The following ELFN2 variants were observed in gnomAD, a reference collection of about 807,000 sequenced individuals.
The protein encoded by ELFN2 is extracellular leucine rich repeat and fibronectin type III domain containing 2.
A neutral mutation model predicts 45.5 loss-of-function variants in ELFN2; 17 were observed. That is an observed-to-expected ratio of 0.37 (90% CI 0.26 to 0.56). The LOEUF is 0.56. ELFN2 is among the 20% of genes least tolerant of loss of function. The pLI is 0.77. For missense variants in ELFN2, 922 were observed against 1,183.2 expected (o/e 0.78, Z 3.24); for synonymous variants, 550 against 551.5 (o/e 1.00, Z 0.04).
intron 1 of ELFN2, chr22:37,342,740 C>G (rs1347171754): frequency 3.4e-5 from 5 of 145,672 alleles, no homozygotes. Context: ...TTCATCAGAG[C>G]CAGTCTGTGG....
At chr22:37,405,024 A>G (rs765029572) in intron 2 of ELFN2, among the ~76,000 whole-genome samples, 18 of 151,350 alleles carry the variant, frequency 1.2e-4, no homozygotes, top group Non-Finnish European at 2.2e-4. Context: ...CCTGGGCTGA[A>G]TCCTGGGTCC....
At chr22:37,382,234 C>G (rs531293588) in intron 2 of ELFN2, among the ~76,000 whole-genome samples, 1 of 152,176 alleles carries the variant, frequency 6.6e-6, no homozygotes, top group Non-Finnish European at 1.5e-5. Flanking sequence ...GACGATGTCC[C>G]GTCACCTGCA....
chr22:37,424,907 C>T (rs1400050093), intron 1 of ELFN2, among the ~76,000 whole-genome samples: 1 of 152,090 alleles, frequency 6.6e-6, no homozygotes, highest in Non-Finnish European at 1.5e-5. Flanking sequence ...ACAGAGCTCA[C>T]GTGGACTGAG....
At chr22:37,399,249 C>T (rs913614947) in intron 2 of ELFN2, among the ~76,000 whole-genome samples, 3 of 152,164 alleles carry the variant, frequency 2.0e-5, no homozygotes, top group Non-Finnish European at 4.4e-5. Flanking sequence ...AGGCAGGACT[C>T]AAAGCTGCCT....
chr22:37,377,888 G>A (rs1480211343), intron 2 of ELFN2, among the ~76,000 whole-genome samples: 1 of 152,206 alleles, frequency 6.6e-6, no homozygotes, highest in East Asian at 1.9e-4. Flanking sequence ...TGGCTCCTGG[G>A]GGATCCCAGG....
intron 1 of ELFN2, among the ~76,000 whole-genome samples, chr22:37,422,410 T>C (rs886956581): frequency 6.6e-6 from 1 of 152,076 alleles, no homozygotes; most frequent in Non-Finnish European, 1.5e-5. Flanking sequence ...GTTTTATTGT[T>C]GCTGTTGTTG....
intron 1 of ELFN2, among the ~76,000 whole-genome samples, chr22:37,419,186 C>A (rs1475565145): frequency 6.6e-6 from 1 of 151,828 alleles, no homozygotes; most frequent in South Asian, 2.1e-4. Flanking sequence ...ACTGCCTCAA[C>A]TCCCTCACCC....
At chr22:37,378,190 C>T (rs190152532) in intron 2 of ELFN2, among the ~76,000 whole-genome samples, 50 of 152,264 alleles carry the variant, frequency 3.3e-4, no homozygotes, top group Admixed American at 2.8e-3. Flanking sequence ...GCATCAGCTT[C>T]GGGGGCATGT....
chr22:37,416,850 A>G (rs773903628), intron 2 of ELFN2, among the ~76,000 whole-genome samples: 1 of 151,034 alleles, frequency 6.6e-6, no homozygotes, highest in Non-Finnish European at 1.5e-5. Flanking sequence ...ACCCATCACT[A>G]CCCCTTTCCT....
In ELFN2 at chr22:37,392,113, C is replaced by G. The variant is rs1035381917; in HGVS notation, c.-462-16117G>C. 3.3e-5 allele frequency among the ~76,000 whole-genome samples: 5 copies of G among 152,306 alleles called. No homozygotes were observed. The East Asian group carries it at 9.6e-4, about 29-fold the overall frequency. On this transcript the variant is annotated intron_variant, in intron 2 of 2. Coordinates refer to ENST00000402918, the MANE Select transcript of ELFN2 (RefSeq NM_052906.5). ...TCAGTGCAACAGAAGCACCGTCCAT[C>G]TTAAGGGAATTTAACTGCTACCGTT... is the stretch of plus-strand genomic sequence containing the variant.
rs1931285944 is a variant in ELFN2 at position 37,369,076 on chromosome 22, C to T, written c.*3996G>A. On this transcript the variant is annotated 3_prime_UTR_variant, in exon 3 of 3. Coordinates refer to ENST00000402918, the MANE Select transcript of ELFN2 (RefSeq NM_052906.5). Reference sequence around the variant, plus strand: ...TCCCTGCACTTAGGCCCCTTATAAGCTAGGACCTGTCACTGGTGTCCTTAA... The same window carrying T: ...TCCCTGCACTTAGGCCCCTTATAAGTTAGGACCTGTCACTGGTGTCCTTAA... 6.6e-6 allele frequency: 1 copy of T among 152,146 alleles called. No individual in the cohort carries two copies. The highest frequency in any genetic ancestry group is 1.5e-5 in the Non-Finnish European group (1 of 68,046). 9.4% of individuals were successfully genotyped at this position (152,146 alleles called of 1,614,324 possible). A position where few individuals can be genotyped will look rare whatever the true frequency, so the allele number is the denominator to read the frequency against.
chr22:37,414,387 G>T (rs2145684876), intron 2 of ELFN2, among the ~76,000 whole-genome samples: 2 of 152,296 alleles, frequency 1.3e-5, no homozygotes, highest in Non-Finnish European at 2.9e-5. Context: ...GAGCAGCAGT[G>T]AGCACAGAAG....
chr22:37,415,742 C>T (rs1276047683), intron 2 of ELFN2, among the ~76,000 whole-genome samples: 1 of 152,158 alleles, frequency 6.6e-6, no homozygotes, highest in Non-Finnish European at 1.5e-5. Flanking sequence ...GCGGGTGGAT[C>T]ACAAGGTCAG....
intron 1 of ELFN2, among the ~76,000 whole-genome samples, chr22:37,350,739 C>T (rs1170145864): frequency 6.7e-6 from 1 of 150,026 alleles, no homozygotes; most frequent in Admixed American, 6.6e-5. Flanking sequence ...TATCCCTGCT[C>T]CACGCTGGCT....
At chr22:37,416,349 C>T (rs1382312698) in intron 2 of ELFN2, among the ~76,000 whole-genome samples, 3 of 152,196 alleles carry the variant, frequency 2.0e-5, no homozygotes, top group Non-Finnish European at 4.4e-5. Flanking sequence ...AACGTGCCTG[C>T]TGGGTGACCT....
intron 2 of ELFN2, among the ~76,000 whole-genome samples, chr22:37,387,778 C>T (rs924973575): frequency 6.6e-5 from 10 of 152,114 alleles, no homozygotes; most frequent in Middle Eastern, 3.4e-3. Flanking sequence ...CTCTCAAACC[C>T]GCTTCCCCCT....
intron 2 of ELFN2, among the ~76,000 whole-genome samples, chr22:37,386,607 G>A (rs962155850): frequency 1.3e-5 from 2 of 152,192 alleles, no homozygotes; most frequent in African/African-American, 2.4e-5. Flanking sequence ...ACTGACGGCC[G>A]CCTCTGAGGC....
chr22:37,402,675 C>T (rs933451015), intron 2 of ELFN2, among the ~76,000 whole-genome samples: 2 of 152,150 alleles, frequency 1.3e-5, no homozygotes, highest in African/African-American at 4.8e-5. Context: ...TGTGCCACCA[C>T]GACAGGTTCA....
At chr22:37,361,602 A>G (rs1252408427) in intron 1 of ELFN2, among the ~76,000 whole-genome samples, 1 of 152,018 alleles carries the variant, frequency 6.6e-6, no homozygotes, top group Non-Finnish European at 1.5e-5. Context: ...CAGTGGGCCC[A>G]TCCCACACCA....
Sources: gnomAD v4.1 joint callset for allele counts (sites outside exome capture counted in the v4.1 genomes callset) on GRCh38, gnomAD v4.1.1 for gene constraint, MANE v1.5 for transcripts, NCBI Gene and HGNC (gene_info 2026-07-23, HGNC 2026-07-21) for gene names.